PTPRD: variants seen among roughly 807,000 people sequenced by gnomAD.
PTPRD encodes the protein protein tyrosine phosphatase receptor type D, also known as receptor-type tyrosine-protein phosphatase delta.
In PTPRD, 34 loss-of-function variants were observed where a neutral mutation model predicts 214.5. The observed-to-expected ratio is 0.16, with a 90% CI of 0.12 to 0.21. The LOEUF is 0.21. Among genes scored for constraint, PTPRD ranks in the 10% least tolerant of loss-of-function variants. The pLI, the probability that PTPRD is intolerant of heterozygous loss-of-function variation, is 1.00. For synonymous variants in PTPRD, 1,128 were observed against 845.7 expected, an observed-to-expected ratio of 1.33 and a Z score of -5.79; for missense variants, 2,545 against 2,398.7, an observed-to-expected ratio of 1.06 and a Z score of -1.27.
chr9:9,900,744 C>A (rs1440991524), intron 5 of PTPRD, among the ~76,000 whole-genome samples: 2 of 151,264 alleles, frequency 1.3e-5, no homozygotes, highest in Non-Finnish European at 2.9e-5. Context: ...TCAAGTGATT[C>A]TCCTGCCTCA....
At chr9:9,105,428 A>C (rs2154444768) in intron 10 of PTPRD, among the ~76,000 whole-genome samples, 1 of 152,330 alleles carries the variant, frequency 6.6e-6, no homozygotes, top group South Asian at 2.1e-4. Context: ...ATAGTTGATA[A>C]AAATTGAGAA....
intron 12 of PTPRD, among the ~76,000 whole-genome samples, chr9:8,717,350 C>T (rs2154413115): frequency 6.6e-6 from 1 of 152,284 alleles, no homozygotes; most frequent in East Asian, 1.9e-4. Flanking sequence ...ACTCATCAAG[C>T]ACTTATAAAG....
chr9:10,602,914 C>T (rs2078343601), intron 2 of PTPRD, among the ~76,000 whole-genome samples: 1 of 151,768 alleles, frequency 6.6e-6, no homozygotes, highest in Non-Finnish European at 1.5e-5. Context: ...TGTCACTCCA[C>T]TCCACCATGA....
chr9:9,751,577 T>C (rs192434297), intron 6 of PTPRD, among the ~76,000 whole-genome samples: 221 of 152,306 alleles, frequency 1.5e-3, no homozygotes, highest in African/African-American at 5.1e-3. Flanking sequence ...AATGAGGTCA[T>C]GTTGAAGTGG....
chr9:9,777,701 A>G (rs1294613244), intron 5 of PTPRD, among the ~76,000 whole-genome samples: 2 of 152,204 alleles, frequency 1.3e-5, no homozygotes, highest in Non-Finnish European at 2.9e-5. Context: ...TATCTCAACA[A>G]CAAAAACAAA....
rs1455680917 is a variant in PTPRD, at chr9:10,283,634, A to G, written c.-545+57329T>C. On this transcript the variant is annotated intron_variant, in intron 3 of 45. Coordinates refer to ENST00000381196, the MANE Select transcript of PTPRD (RefSeq NM_002839.4). Reference sequence around the variant, plus strand: ...CAGTAATCTATTCATCAGTAAACAGAGATCAGGTCTCCATTGATATAGGTG... The same window carrying G: ...CAGTAATCTATTCATCAGTAAACAGGGATCAGGTCTCCATTGATATAGGTG... Among the ~76,000 whole-genome samples the G allele has an allele frequency of 2.6e-5, 4 of 152,204 alleles. No homozygotes were observed. In the East Asian group the frequency reaches 7.7e-4, roughly 29 times the overall value.
Position 8,788,892 on chromosome 9 carries a change from G to T in PTPRD, c.-103-54946C>A, listed in dbSNP as rs182246179. Among the ~76,000 whole-genome samples, 6 of 152,224 alleles carry T rather than the reference G, an allele frequency of 3.9e-5. No homozygotes were observed. The East Asian group carries it at 9.7e-4, about 24-fold the overall frequency. On this transcript the variant is annotated intron_variant, in intron 11 of 45. Coordinates refer to ENST00000381196, the MANE Select transcript of PTPRD (RefSeq NM_002839.4). ...CCAGTACAGGCAAGATGTCTTACAT[G>T]TTATGATGTTCTTATATCACCAATT...
At chr9:10,599,032 G>T (rs1369460365) in intron 2 of PTPRD, among the ~76,000 whole-genome samples, 3 of 151,598 alleles carry the variant, frequency 2.0e-5, no homozygotes, top group Admixed American at 2.0e-4. Context: ...AGCTTCACGT[G>T]CAACTGGGTA....
chr9:8,319,717 G>C, intron 45 of PTPRD, 114 bp downstream of exon 45: 2 of 1,305,164 alleles, frequency 1.5e-6, no homozygotes, highest in Non-Finnish European at 2.1e-6. Context: ...TAAACAGTTT[G>C]ATGCTTTCCC....
At chr9:8,885,624 G>A (rs2098481064) in intron 11 of PTPRD, among the ~76,000 whole-genome samples, 1 of 150,366 alleles carries the variant, frequency 6.7e-6, no homozygotes, top group African/African-American at 2.4e-5. Flanking sequence ...AGCTTCCCTA[G>A]TAGCTGGGAT....
At chr9:9,828,649 A>G (rs1229357593) in intron 5 of PTPRD, among the ~76,000 whole-genome samples, 1 of 152,116 alleles carries the variant, frequency 6.6e-6, no homozygotes, top group Non-Finnish European at 1.5e-5. Context: ...CTTAAAGTAT[A>G]ATAATAAAAG....
rs60778313 is a variant in PTPRD at position 8,934,509 on chromosome 9, A to T, written c.-104+84188T>A. On this transcript the variant is annotated intron_variant, in intron 11 of 45. Transcript: ENST00000381196. ...TATATATATAAATATATATATAAAT[A>T]TATATATATAAATATATATATATAT... is the stretch of plus-strand genomic sequence containing the variant. Among the ~76,000 whole-genome samples the T allele has an allele frequency of 4.8e-3, 165 of 34,264 alleles. 6 individuals are homozygous for T. Among genetic ancestry groups the T allele is most frequent in the East Asian group, 0.038 (13 of 344 alleles). The allele number at this position is 34,264 out of a possible 152,430, so 22.5% of individuals were successfully genotyped here.
intron 25 of PTPRD, 79 bp downstream of exon 25, chr9:8,499,568 A>G: frequency 6.8e-7 from 1 of 1,474,228 alleles, no homozygotes; most frequent in South Asian, 1.3e-5. Context: ...TCGAAAAACT[A>G]AAATAAGAGC....
intron 9 of PTPRD, among the ~76,000 whole-genome samples, chr9:9,278,918 G>C (rs972869570): frequency 3.3e-5 from 5 of 151,230 alleles, no homozygotes; most frequent in African/African-American, 4.8e-5. Context: ...AATCTGCCAG[G>C]TCAGATATGC....
chr9:9,672,863 A>G (rs1475903709), intron 7 of PTPRD, among the ~76,000 whole-genome samples: 1 of 152,120 alleles, frequency 6.6e-6, no homozygotes, highest in Non-Finnish European at 1.5e-5. Context: ...TAAAAGTGCT[A>G]AAGAAGTATA....
intron 11 of PTPRD, among the ~76,000 whole-genome samples, chr9:8,914,951 T>G (rs2098774185): frequency 6.6e-6 from 1 of 152,114 alleles, no homozygotes; most frequent in Admixed American, 6.6e-5. Flanking sequence ...AGATATGTGA[T>G]GAAAGCATGT....
intron 2 of PTPRD, among the ~76,000 whole-genome samples, chr9:10,467,767 G>T (rs901382574): frequency 6.6e-6 from 1 of 152,030 alleles, no homozygotes; most frequent in Non-Finnish European, 1.5e-5. Context: ...TAGCTACATA[G>T]AAAATGTTTA....
intron 3 of PTPRD, among the ~76,000 whole-genome samples, chr9:10,131,882 T>A (rs1277471741): frequency 6.6e-6 from 1 of 152,130 alleles, no homozygotes; most frequent in Non-Finnish European, 1.5e-5. Flanking sequence ...AAAATACGTG[T>A]AATTACAAAC....
intron 11 of PTPRD, among the ~76,000 whole-genome samples, chr9:8,818,962 T>C (rs1442599138): frequency 1.3e-5 from 2 of 152,166 alleles, no homozygotes; most frequent in Non-Finnish European, 1.5e-5. Flanking sequence ...GAAAACGACA[T>C]AGCACTCTAG....
Sources: gnomAD v4.1 joint callset for allele counts (sites outside exome capture counted in the v4.1 genomes callset) on GRCh38, gnomAD v4.1.1 for gene constraint, MANE v1.5 for transcripts, NCBI Gene and HGNC (gene_info 2026-07-23, HGNC 2026-07-21) for gene names.